ANKFN1: variants seen among roughly 807,000 people sequenced by gnomAD.
The protein encoded by ANKFN1 is ankyrin repeat and fibronectin type III domain containing 1.
In ANKFN1, 74 loss-of-function variants were observed where a neutral mutation model predicts 108.7. The observed-to-expected ratio is 0.68, with a 90% CI of 0.56 to 0.83. The LOEUF is 0.83. Among genes scored for constraint, ANKFN1 ranks in the 40% least tolerant of loss-of-function variants. ANKFN1 has a pLI of 0.00. For missense variants in ANKFN1, 1,505 were observed against 1,382.3 expected (o/e 1.09, Z -1.41); for synonymous variants, 547 against 516.2 (o/e 1.06, Z -0.81).
chr17:56,352,499 G>C (rs11867397), intron 5 of ANKFN1, among the ~76,000 whole-genome samples: 3 of 152,196 alleles, frequency 2.0e-5, no homozygotes, highest in Non-Finnish European at 4.4e-5. Flanking sequence ...ATACCAGATA[G>C]ATGTGTAAAT....
intron 4 of ANKFN1, among the ~76,000 whole-genome samples, chr17:56,339,596 T>G (rs1444646065): frequency 6.6e-6 from 1 of 152,162 alleles, no homozygotes; most frequent in Non-Finnish European, 1.5e-5. Flanking sequence ...CTAAGGATAA[T>G]GGCCTCCAGC....
At chr17:56,077,241 T>A (rs1905191938) in intron 4 of ANKFN1, among the ~76,000 whole-genome samples, 1 of 152,216 alleles carries the variant, frequency 6.6e-6, no homozygotes, top group Non-Finnish European at 1.5e-5. Flanking sequence ...TCAACCATTG[T>A]ATTCTTCCAT....
intron 1 of ANKFN1, among the ~76,000 whole-genome samples, chr17:56,212,338 C>T (rs572536443): frequency 3.9e-5 from 6 of 152,178 alleles, no homozygotes; most frequent in African/African-American, 1.4e-4. Context: ...TGGTGTATCA[C>T]ATTTATTGAC....
intron 6 of ANKFN1, among the ~76,000 whole-genome samples, chr17:56,369,664 A>G (rs1216271666): frequency 1.3e-5 from 2 of 152,232 alleles, no homozygotes; most frequent in Admixed American, 1.3e-4. Flanking sequence ...AATAATAGGG[A>G]GAAACATGAT....
chr17:56,231,191 C>A (rs71387445), intron 3 of ANKFN1, among the ~76,000 whole-genome samples: 13 of 152,102 alleles, frequency 8.5e-5, no homozygotes, highest in Non-Finnish European at 1.5e-4. Flanking sequence ...CTAGAGCAGT[C>A]TCTTTCACTG....
At chr17:56,188,545 ATG>A (rs1173100959) in intron 1 of ANKFN1, among the ~76,000 whole-genome samples, 26 of 87,244 alleles carry the variant, frequency 3.0e-4, no homozygotes, top group East Asian at 2.6e-3. Context: ...TAAGATGTAT[ATG>A]TGTGTGTGTG....
intron 6 of ANKFN1, among the ~76,000 whole-genome samples, chr17:56,365,615 A>G (rs562786729): frequency 9.2e-5 from 14 of 152,328 alleles, no homozygotes; most frequent in Admixed American, 6.5e-4. Context: ...TTGGAAGTAC[A>G]ATCACATGCA....
At chr17:56,463,317 A>C (rs748648453) in intron 14 of ANKFN1, among the ~76,000 whole-genome samples, 1 of 152,226 alleles carries the variant, frequency 6.6e-6, no homozygotes, top group African/African-American at 2.4e-5. Context: ...TTCTAGATTC[A>C]AATCCAGATT....
chr17:56,176,455 C>T (rs747548772), intron 1 of ANKFN1, among the ~76,000 whole-genome samples: 2 of 152,128 alleles, frequency 1.3e-5, no homozygotes, highest in South Asian at 2.1e-4. Context: ...TGGGAATGCA[C>T]GGGATCGGAG....
At chr17:56,104,425 G>A (rs539171307) in intron 4 of ANKFN1, among the ~76,000 whole-genome samples, 10 of 152,344 alleles carry the variant, frequency 6.6e-5, no homozygotes, top group African/African-American at 2.2e-4. Context: ...GAGCTGGCTT[G>A]AGCAAAGTCA....
intron 4 of ANKFN1, among the ~76,000 whole-genome samples, chr17:56,106,493 C>T (rs767273122): frequency 8.5e-5 from 13 of 152,326 alleles, no homozygotes; most frequent in Admixed American, 2.0e-4. Context: ...GGCTCTCAAA[C>T]GCTAGGCTTT....
chr17:56,098,422 ACACACACACACACACACGCG>A (rs1905573914), intron 4 of ANKFN1, among the ~76,000 whole-genome samples: 2 of 145,550 alleles, frequency 1.4e-5, no homozygotes, highest in Admixed American at 6.7e-5. Context: ...ACACAAACAC[ACACACACACACACACACGCG>A]CGCGCACATA....
intron 1 of ANKFN1, among the ~76,000 whole-genome samples, chr17:56,162,476 C>T (rs1021214415): frequency 2.0e-5 from 3 of 152,152 alleles, no homozygotes; most frequent in Non-Finnish European, 4.4e-5. Context: ...TTCTTCCATA[C>T]ATATCTGTCC....
intron 3 of ANKFN1, among the ~76,000 whole-genome samples, chr17:56,316,069 G>A (rs1311579844): frequency 6.6e-6 from 1 of 152,150 alleles, no homozygotes; most frequent in Non-Finnish European, 1.5e-5. Context: ...AACTTCATCT[G>A]ACATTTTTAG....
chr17:56,297,957 C>T (rs550937290), intron 3 of ANKFN1, among the ~76,000 whole-genome samples: 131 of 152,230 alleles, frequency 8.6e-4, no homozygotes, highest in African/African-American at 3.1e-3. Flanking sequence ...AATGCTCCTA[C>T]GGCAATATAC....
intron 3 of ANKFN1, among the ~76,000 whole-genome samples, chr17:56,278,769 T>C (rs1329529161): frequency 6.6e-6 from 1 of 152,178 alleles, no homozygotes; most frequent in Non-Finnish European, 1.5e-5. Context: ...CAAATACAAA[T>C]AATCAAAAAC....
intron 8 of ANKFN1, among the ~76,000 whole-genome samples, chr17:56,400,592 A>G (rs1008711156): frequency 1.3e-5 from 2 of 152,146 alleles, no homozygotes; most frequent in Non-Finnish European, 2.9e-5. Context: ...CAAAAGTTTA[A>G]TTAGGTCCCA....
At chr17:56,134,223 G>T (rs1251547717) in intron 4 of ANKFN1, among the ~76,000 whole-genome samples, 1 of 152,136 alleles carries the variant, frequency 6.6e-6, no homozygotes, top group East Asian at 1.9e-4. Context: ...GTCCCAAAGT[G>T]CAGGAGCTTC....
chr17:56,321,853 G>A (rs1283197377), intron 3 of ANKFN1, among the ~76,000 whole-genome samples: 1 of 152,116 alleles, frequency 6.6e-6, no homozygotes, highest in African/African-American at 2.4e-5. Flanking sequence ...GCTGGTGAGG[G>A]GCAGCTCAAG....
Sources: gnomAD v4.1 joint callset for allele counts (sites outside exome capture counted in the v4.1 genomes callset) on GRCh38, gnomAD v4.1.1 for gene constraint, MANE v1.5 for transcripts, NCBI Gene and HGNC (gene_info 2026-07-23, HGNC 2026-07-21) for gene names.